Variants in TG observed in about 807,000 individuals in gnomAD.
TG encodes the protein thyroglobulin, also known as thyroid hormones.
In TG, 270 loss-of-function variants were observed where a neutral mutation model predicts 324.7. That is an observed-to-expected ratio of 0.83 (90% CI 0.75 to 0.92). TG has a LOEUF of 0.92. TG is among the 40% of genes least tolerant of loss of function. The pLI is 0.00. For missense variants in TG, 3,591 were observed against 3,456.4 expected (o/e 1.04, Z -0.98); for synonymous variants, 1,401 against 1,327.0 (o/e 1.06, Z -1.21).
At chr8:132,962,012 G>A (rs765302320) in intron 28 of TG, among the ~76,000 whole-genome samples, 8 of 152,110 alleles carry the variant, frequency 5.3e-5, no homozygotes, top group African/African-American at 1.7e-4. Context: ...CGATACAGAC[G>A]CCACTGGCCT....
At chr8:132,895,838 T>C (rs1247778560) in intron 11 of TG, among the ~76,000 whole-genome samples, 1 of 152,204 alleles carries the variant, frequency 6.6e-6, no homozygotes, top group East Asian at 1.9e-4. Context: ...CTGGTGCTGT[T>C]GAGATTAGTC....
Position 133,103,945 on chromosome 8 carries a change from C to T in TG, c.7572+7572C>T, listed in dbSNP as rs115727437. On this transcript the variant is annotated intron_variant, in intron 43 of 47. Coordinates refer to ENST00000220616, the MANE Select transcript of TG (RefSeq NM_003235.5). ...TAAAGAATTTCAGATCTTAGAAATG[C>T]CCTGAAGAACACTGAAGTGGGGCCA... 7.8e-3 allele frequency among the ~76,000 whole-genome samples: 1,183 copies of T among 152,314 alleles called. 15 individuals are homozygous for T. Among genetic ancestry groups the T allele is most frequent in the African/African-American group, 0.025 (1,048 of 41,550 alleles).
intron 41 of TG, among the ~76,000 whole-genome samples, chr8:133,089,115 A>G (rs1847086905): frequency 6.6e-6 from 1 of 152,160 alleles, no homozygotes; most frequent in African/African-American, 2.4e-5. Context: ...ACTCTGGGTC[A>G]CACACTACCC....
intron 4 of TG, 150 bp from the exon 5 acceptor site, chr8:132,872,912 C>A: frequency 1.2e-6 from 1 of 862,202 alleles, no homozygotes; most frequent in Non-Finnish European, 1.8e-6. Context: ...TAAGTACACT[C>A]TATGATGTTC....
At chr8:133,115,647 C>T (rs955955828) in intron 44 of TG, among the ~76,000 whole-genome samples, 4 of 152,236 alleles carry the variant, frequency 2.6e-5, no homozygotes, top group African/African-American at 9.6e-5. Context: ...CCCCACTTCT[C>T]AGCTGGGAAG....
chr8:132,917,386 A>ATG lies in TG; in HGVS notation c.4379-1989_4379-1988insGT, dbSNP rs1371166830. On this transcript the variant is annotated intron_variant, in intron 20 of 47. Coordinates refer to ENST00000220616, the MANE Select transcript of TG (RefSeq NM_003235.5). ...GAAGGTAGTGCATGTTTGTGCATGT[A>ATG]TATGTGTGTGTGTGTGTGTGTGTAT... Among the ~76,000 whole-genome samples, 12 of 125,234 alleles carry ATG rather than the reference A, an allele frequency of 9.6e-5. No individual in the cohort carries two copies. In the East Asian group the frequency reaches 2.2e-3, roughly 23 times the overall value. The allele number at this position is 125,234 out of a possible 152,430, so 82.2% of individuals were successfully genotyped here. A position where few individuals can be genotyped will look rare whatever the true frequency, so the allele number is the denominator to read the frequency against.
chr8:132,891,417 C>T (rs771033945), intron 10 of TG, among the ~76,000 whole-genome samples: 1 of 152,172 alleles, frequency 6.6e-6, no homozygotes. Flanking sequence ...TCACTGCAGC[C>T]TCAACCTCGC....
intron 34 of TG, among the ~76,000 whole-genome samples, chr8:132,974,682 A>G (rs1056928385): frequency 2.0e-5 from 3 of 152,186 alleles, no homozygotes; most frequent in Non-Finnish European, 4.4e-5. Flanking sequence ...CAATTGATTA[A>G]CAAGAAATTG....
chr8:133,061,651 C>A (rs1175842513), intron 41 of TG, among the ~76,000 whole-genome samples: 1 of 152,152 alleles, frequency 6.6e-6, no homozygotes, highest in Non-Finnish European at 1.5e-5. Context: ...GAACAGGGTC[C>A]CCCCATCGGC....
chr8:132,903,646 C>T (rs1162862631), intron 16 of TG, among the ~76,000 whole-genome samples: 1 of 152,184 alleles, frequency 6.6e-6, no homozygotes, highest in Non-Finnish European at 1.5e-5. Context: ...GAGTTGAGGC[C>T]AGAGGCTGGC....
chr8:132,920,210 C>T (rs1820917450), intron 21 of TG, among the ~76,000 whole-genome samples: 2 of 152,208 alleles, frequency 1.3e-5, no homozygotes, highest in African/African-American at 4.8e-5. Context: ...ACTCGACCTA[C>T]TTACTTAATA....
intron 27 of TG, 138 bp downstream of exon 27, chr8:132,949,081 A>G (rs892078181): frequency 4.4e-5 from 35 of 800,662 alleles, no homozygotes; most frequent in Middle Eastern, 4.6e-4. Flanking sequence ...TTTACCAATC[A>G]TACTGGATGG....
chr8:132,946,860 T>C (rs998190952), intron 26 of TG, among the ~76,000 whole-genome samples: 2 of 152,174 alleles, frequency 1.3e-5, no homozygotes, highest in Non-Finnish European at 2.9e-5. Flanking sequence ...AGGCACAGCC[T>C]TCTCAGGGAC....
chr8:132,882,086 T>A, intron 6 of TG, 117 bp downstream of exon 6: 1 of 752,596 alleles, frequency 1.3e-6, no homozygotes, highest in Non-Finnish European at 2.3e-6. Context: ...CCTGCCAGGC[T>A]GCTGTGGGCA....
chr8:132,923,486 T>G lies in TG; in HGVS notation c.4677T>G (p.Pro1559=). ...TGCCATGGTGGGAAACAGAGGCCCC[T>G]CTTGAGGACTCACAGTGTTTGAGTA... ...RRLPWWETEA[P]LEDSQCLMMQ... Residue 1559 remains proline, a synonymous_variant, in exon 22 of 48, where the codon CCT becomes CCG. Transcript: ENST00000220616. The G allele has an allele frequency of 6.2e-7, 1 of 1,614,036 alleles. No individual in the cohort carries two copies. Among genetic ancestry groups the G allele is most frequent in the Middle Eastern group, 1.7e-4 (1 of 6,046 alleles).
chr8:132,948,408 A>G (rs1398534403), intron 26 of TG, among the ~76,000 whole-genome samples: 1 of 152,168 alleles, frequency 6.6e-6, no homozygotes, highest in Non-Finnish European at 1.5e-5. Flanking sequence ...AAGCAGCAGC[A>G]GCTCAGGAAA....
intron 4 of TG, among the ~76,000 whole-genome samples, chr8:132,872,452 T>C (rs1024913211): frequency 3.3e-5 from 4 of 120,820 alleles, no homozygotes; most frequent in Non-Finnish European, 6.3e-5. Flanking sequence ...CACTCCAGCC[T>C]GGGCGGCAGA....
intron 29 of TG, among the ~76,000 whole-genome samples, chr8:132,965,646 C>A (rs974382968): frequency 6.6e-6 from 1 of 152,184 alleles, no homozygotes; most frequent in Non-Finnish European, 1.5e-5. Context: ...CCCTATAGAA[C>A]CTCTTTATAG....
chr8:132,989,462 G>T (rs923398258), intron 35 of TG, among the ~76,000 whole-genome samples: 1 of 152,226 alleles, frequency 6.6e-6, no homozygotes, highest in East Asian at 1.9e-4. Context: ...AGAGCGGACT[G>T]TGAAGAAGGC....
Sources: gnomAD v4.1 joint callset for allele counts (sites outside exome capture counted in the v4.1 genomes callset) on GRCh38, gnomAD v4.1.1 for gene constraint, MANE v1.5 for transcripts, NCBI Gene and HGNC (gene_info 2026-07-23, HGNC 2026-07-21) for gene names.